DSC2: variants seen among roughly 807,000 people sequenced by gnomAD.
DSC2 encodes desmocollin-2.
In DSC2, 51 loss-of-function variants were observed where a neutral mutation model predicts 87.6. The observed-to-expected ratio is 0.58, with a 90% confidence interval of 0.46 to 0.74. The LOEUF (loss-of-function observed/expected upper bound fraction) is 0.74, where lower values mean the gene tolerates loss of function less well. Ranked by LOEUF, DSC2 falls within the 30% of genes least tolerant of loss-of-function variation. The pLI is 0.00. For synonymous variants in DSC2, 383 were observed against 393.2 expected, an observed-to-expected ratio of 0.97 and a Z score of 0.31; for missense variants, 1,066 against 1,089.5, an observed-to-expected ratio of 0.98 and a Z score of 0.30.
chr18:31,093,541 AT>A lies in DSC2; in HGVS notation c.154+17del. 6.3e-7 allele frequency: 1 copy of A among 1,588,338 alleles called. No homozygotes were observed. ...CACAGCAAAACAGGATTTATTACAA[AT>A]TTTAGGGCTTCCTTACCTCTACCAA... On this transcript the variant is annotated intron_variant, in intron 2 of 15. Coordinates refer to ENST00000280904, the MANE Select transcript of DSC2 (RefSeq NM_024422.6).
At chr18:31,075,090 G>A (rs1020437077) in intron 11 of DSC2, among the ~76,000 whole-genome samples, 183 bp from the exon 12 acceptor site, 2 of 152,162 alleles carry the variant, frequency 1.3e-5, no homozygotes, top group Non-Finnish European at 2.9e-5. Context: ...CATATGGGTT[G>A]TACAAACAAT....
intron 9 of DSC2, among the ~76,000 whole-genome samples, chr18:31,081,017 G>A (rs1304566724): frequency 6.6e-6 from 1 of 152,110 alleles, no homozygotes; most frequent in African/African-American, 2.4e-5. Flanking sequence ...AGATTTCAGA[G>A]AGTATTTAAT....
At chr18:31,078,536 C>A (rs548785056) in intron 11 of DSC2, among the ~76,000 whole-genome samples, 1 of 152,158 alleles carries the variant, frequency 6.6e-6, no homozygotes, top group Non-Finnish European at 1.5e-5. Flanking sequence ...TAAACTATTT[C>A]CAAGTGCCGT....
In DSC2 at chr18:31,089,452, T is replaced by C. The variant is rs753004247; in HGVS notation, c.617A>G (p.Tyr206Cys). ...TTTAGACTTTACCTCAAAAGATTCA[T>C]ACTGCTCACGATCTACAGGACGAGT... The part of the protein sequence containing the change: ...YCTRPVDREQ[Y>C]ESFEIIAFAT... The change falls in exon 5 of 16, where the codon TAT becomes TGT. Residue 206 changes from tyrosine (Y) to cysteine (C), a missense_variant. Tyr to Cys is a radical substitution (Grantham distance 194). Coordinates refer to ENST00000280904, the MANE Select transcript of DSC2 (RefSeq NM_024422.6). The C allele has an allele frequency of 6.2e-6, 10 of 1,613,712 alleles. No homozygotes were observed. In the Admixed American group the frequency reaches 1.3e-4, roughly 22 times the overall value.
intron 1 of DSC2, among the ~76,000 whole-genome samples, chr18:31,094,233 G>C (rs1171898069): frequency 6.6e-6 from 1 of 152,134 alleles, no homozygotes; most frequent in Non-Finnish European, 1.5e-5. Context: ...TTGCTTATGA[G>C]ATATGATATC....
At chr18:31,081,299 G>A (rs529338678) in intron 9 of DSC2, among the ~76,000 whole-genome samples, 25 of 152,078 alleles carry the variant, frequency 1.6e-4, no homozygotes, top group African/African-American at 5.1e-4. Flanking sequence ...TCTTAAAGAC[G>A]GGAACATATT....
chr18:31,081,137 A>AG (rs1987205501), intron 9 of DSC2, among the ~76,000 whole-genome samples: 1 of 152,198 alleles, frequency 6.6e-6, no homozygotes, highest in African/African-American at 2.4e-5. Context: ...TACCCTCCTA[A>AG]GATGAATAAA....
intron 3 of DSC2, chr18:31,091,568 C>A (rs566447596): frequency 1.2e-4 from 57 of 459,324 alleles, no homozygotes; most frequent in African/African-American, 7.9e-4. Flanking sequence ...ACAGAGAGAT[C>A]TGTGTCAGAA....
chr18:31,085,827 G>A (rs1987377261), intron 7 of DSC2, among the ~76,000 whole-genome samples: 1 of 152,056 alleles, frequency 6.6e-6, no homozygotes, highest in South Asian at 2.1e-4. Flanking sequence ...TAAGAATTTA[G>A]ATGAATAATG....
chr18:31,101,953 A>G lies in DSC2; in HGVS notation c.19T>C (p.Ser7Pro), dbSNP rs774977340. 1 of 1,527,018 alleles carries G rather than the reference A, an allele frequency of 6.5e-7. No homozygotes were observed. The allele number at this position is 1,527,018 out of a possible 1,614,324, so 94.6% of individuals were successfully genotyped here. MEAARP[S>P]GSWNGALCRL... ...CAGAGGGCTCCGTTCCAGGAGCCGG[A>G]GGGGCGGGCTGCCTCCATGGAGAGG... The change falls in exon 1 of 16, where the codon TCC becomes CCC. Residue 7 changes from serine to proline, a missense_variant. Physicochemically the swap from Ser to Pro is moderately conservative, Grantham distance 74. Coordinates refer to ENST00000280904, the MANE Select transcript of DSC2 (RefSeq NM_024422.6).
chr18:31,079,672 G>T (rs1987137736), intron 11 of DSC2, among the ~76,000 whole-genome samples, 175 bp downstream of exon 11: 1 of 152,094 alleles, frequency 6.6e-6, no homozygotes, highest in African/African-American at 2.4e-5. Flanking sequence ...AACTGAGAAG[G>T]CTATTAGAAA....
intron 9 of DSC2, among the ~76,000 whole-genome samples, chr18:31,081,887 A>T (rs1490993158): frequency 6.6e-6 from 1 of 152,176 alleles, no homozygotes; most frequent in Non-Finnish European, 1.5e-5. Context: ...TGATTTGGGA[A>T]ATTCAGTAAG....
intron 1 of DSC2, among the ~76,000 whole-genome samples, chr18:31,095,446 C>G (rs1299417736): frequency 6.6e-6 from 1 of 152,152 alleles, no homozygotes; most frequent in Non-Finnish European, 1.5e-5. Flanking sequence ...TATACAGAAT[C>G]ACTCTACTAG....
intron 7 of DSC2, among the ~76,000 whole-genome samples, chr18:31,085,379 T>TAAGTACAAA (rs1202107191): frequency 1.3e-5 from 2 of 151,908 alleles, no homozygotes; most frequent in African/African-American, 4.8e-5. Context: ...ACTTATTTTG[T>TAAGTACAAA]AAGTACAAAA....
At chr18:31,075,120 T>G (rs910126299) in intron 11 of DSC2, among the ~76,000 whole-genome samples, 2 of 152,222 alleles carry the variant, frequency 1.3e-5, no homozygotes, top group African/African-American at 4.8e-5. Flanking sequence ...TAAGATGTGT[T>G]TATTCATTCG....
chr18:31,084,709 A>G (rs1987338615), intron 7 of DSC2, among the ~76,000 whole-genome samples: 1 of 150,726 alleles, frequency 6.6e-6, no homozygotes, highest in African/African-American at 2.4e-5. Context: ...ATAGACATCT[A>G]TGGCTATGCA....
At chr18:31,070,645 T>C in intron 14 of DSC2, 81 bp downstream of exon 14, 1 of 1,597,210 alleles carries the variant, frequency 6.3e-7, no homozygotes, top group Non-Finnish European at 8.5e-7. Context: ...AGAACTTTTC[T>C]GAGAAAAGAT....
At chr18:31,092,382 G>T in intron 2 of DSC2, 82 bp from the exon 3 acceptor site, 1 of 1,215,298 alleles carries the variant, frequency 8.2e-7, no homozygotes. Context: ...CGTGGGGAGA[G>T]CCAAAAACTT....
chr18:31,090,331 G>C (rs1400683146), intron 4 of DSC2, among the ~76,000 whole-genome samples: 1 of 152,134 alleles, frequency 6.6e-6, no homozygotes, highest in Non-Finnish European at 1.5e-5. Flanking sequence ...AAGAACTGAG[G>C]GAAAATAAAC....
Sources: allele counts gnomAD v4.1 joint callset (sites outside exome capture counted in the v4.1 genomes callset), GRCh38; gene constraint gnomAD v4.1.1; transcripts MANE v1.5; gene names NCBI Gene and HGNC (gene_info 2026-07-23, HGNC 2026-07-21).